Variants in RAB5A observed in about 807,000 individuals in gnomAD.
The protein encoded by RAB5A is ras-related protein Rab-5A.
A neutral mutation model predicts 25.7 loss-of-function variants in RAB5A; 8 were observed. The ratio of observed to expected loss-of-function variants is 0.31; its 90% CI spans 0.18 to 0.56. The LOEUF (loss-of-function observed/expected upper bound fraction) is 0.56, where lower values mean the gene tolerates loss of function less well. Among genes scored for constraint, RAB5A ranks in the 20% least tolerant of loss-of-function variants. RAB5A has a pLI of 0.91. For missense variants in RAB5A, 192 were observed against 259.7 expected, an observed-to-expected ratio of 0.74 and a Z score of 1.79; for synonymous variants, 98 against 89.8, an observed-to-expected ratio of 1.09 and a Z score of -0.52.
At chr3:19,975,813 T>C (rs2125191587) in intron 3 of RAB5A, 61 bp downstream of exon 3, 4 of 1,496,620 alleles carry the variant, frequency 2.7e-6, no homozygotes, top group Middle Eastern at 1.8e-4. Flanking sequence ...GTGTTCAGAA[T>C]TTTGATTAAA....
intron 2 of RAB5A, among the ~76,000 whole-genome samples, chr3:19,952,551 T>C (rs1696438916): frequency 6.6e-6 from 1 of 152,238 alleles, no homozygotes; most frequent in South Asian, 2.1e-4. Context: ...ATTCATAATC[T>C]TAGACCCATT....
intron 4 of RAB5A, 88 bp downstream of exon 4, chr3:19,976,257 A>G: frequency 7.2e-7 from 1 of 1,390,050 alleles, no homozygotes; most frequent in South Asian, 1.4e-5. Context: ...TATAATGTCA[A>G]AACCATGCAA....
rs145855540 is a variant in RAB5A at position 19,976,142 on chromosome 3, A to G, written c.411A>G (p.Leu137=). The G allele has an allele frequency of 1.9e-5, 31 of 1,610,928 alleles. No individual in the cohort carries two copies. In the African/African-American group the frequency reaches 3.7e-4, roughly 19 times the overall value. ...CTTTATCGGGAAACAAGGCCGACCTAGCAAATAAAAGAGCAGTAGATTTCC... is the reference window on the plus strand; with the variant it reads ...CTTTATCGGGAAACAAGGCCGACCTGGCAAATAAAAGAGCAGTAGATTTCC... ...VIALSGNKAD[L]ANKRAVDFQE... The change falls in exon 4 of 6, where the codon CTA becomes CTG. Residue 137 remains leucine, a synonymous_variant. Coordinates refer to ENST00000273047, the MANE Select transcript of RAB5A (RefSeq NM_004162.5).
intron 2 of RAB5A, among the ~76,000 whole-genome samples, chr3:19,960,257 A>T (rs1432325478): frequency 6.6e-6 from 1 of 152,180 alleles, no homozygotes; most frequent in African/African-American, 2.4e-5. Context: ...CTCTTTGTGA[A>T]GGAGAATAAA....
At chr3:19,957,714 G>T (rs890470319) in intron 2 of RAB5A, among the ~76,000 whole-genome samples, 2 of 134,212 alleles carry the variant, frequency 1.5e-5, no homozygotes, top group Admixed American at 1.5e-4. Context: ...CTGAGCAACA[G>T]AGTGAGACTC....
intron 5 of RAB5A, among the ~76,000 whole-genome samples, chr3:19,983,371 TAATG>T (rs1696969596): frequency 7.4e-6 from 1 of 134,734 alleles, no homozygotes. Flanking sequence ...AAAGAAGTAA[TAATG>T]AGTATAAAAT....
At chr3:19,970,604 C>G (rs1215973391) in intron 2 of RAB5A, 1 of 456,574 alleles carries the variant, frequency 2.2e-6, no homozygotes. Flanking sequence ...GAAAAGAAAA[C>G]CAACTGCTAG....
chr3:19,980,301 A>T (rs551322067), intron 5 of RAB5A: 3 of 152,220 alleles, frequency 2.0e-5, no homozygotes, highest in Non-Finnish European at 4.4e-5. Context: ...AAACATGCTA[A>T]TAAAGTCATT....
At chr3:19,970,323 C>G (rs920755353) in intron 2 of RAB5A, among the ~76,000 whole-genome samples, 2 of 152,098 alleles carry the variant, frequency 1.3e-5, no homozygotes, top group African/African-American at 4.8e-5. Flanking sequence ...TATAATAGGC[C>G]TTTGGTATTT....
At chr3:19,980,597 C>G (rs1447408963) in intron 5 of RAB5A, among the ~76,000 whole-genome samples, 4 of 152,062 alleles carry the variant, frequency 2.6e-5, no homozygotes, top group Non-Finnish European at 5.9e-5. Flanking sequence ...TCTCACTCAC[C>G]TCTGATTTAA....
intron 2 of RAB5A, among the ~76,000 whole-genome samples, chr3:19,957,129 T>A (rs1696515630): frequency 6.6e-6 from 1 of 151,822 alleles, no homozygotes; most frequent in Non-Finnish European, 1.5e-5. Context: ...GATCTCACTG[T>A]TGGTGCCTAA....
chr3:19,958,528 C>T (rs954862000), intron 2 of RAB5A, among the ~76,000 whole-genome samples: 2 of 152,142 alleles, frequency 1.3e-5, no homozygotes, highest in African/African-American at 2.4e-5. Flanking sequence ...ATTTGTAACA[C>T]GAGAGTATTG....
chr3:19,968,247 T>C (rs1317363886), intron 2 of RAB5A, among the ~76,000 whole-genome samples: 1 of 152,216 alleles, frequency 6.6e-6, no homozygotes, highest in Non-Finnish European at 1.5e-5. Flanking sequence ...TTTTTTTCAC[T>C]TACACATTGG....
At chr3:19,970,483 C>G in intron 2 of RAB5A, 1 of 451,400 alleles carries the variant, frequency 2.2e-6, no homozygotes, top group Admixed American at 2.4e-5. Flanking sequence ...GGGAGCCTAT[C>G]AGACAGGCCA....
At chr3:19,954,952 GT>G (rs1275728800) in intron 2 of RAB5A, among the ~76,000 whole-genome samples, 8 of 152,170 alleles carry the variant, frequency 5.3e-5, no homozygotes, top group African/African-American at 1.7e-4. Context: ...TGGGTTTAAA[GT>G]TTGCATGACA....
rs1184143864 is a variant in RAB5A, at chr3:19,984,427, A to T, written c.*604A>T. 1.1e-4 allele frequency: 21 copies of T among 197,690 alleles called. No homozygotes were observed. The highest frequency in any genetic ancestry group is 1.5e-4 in the Non-Finnish European group (14 of 96,416). The allele number at this position is 197,690 out of a possible 1,614,324, so 12.2% of individuals were successfully genotyped here. On this transcript the variant is annotated 3_prime_UTR_variant, in exon 6 of 6. Transcript: ENST00000273047. ...ATACCCAGTCTGGTTTTTTTTTTTT[A>T]AATGGGGTAAAAATCAAATGCAACC... is the stretch of plus-strand genomic sequence containing the variant.
At chr3:19,954,927 T>G (rs1696477850) in intron 2 of RAB5A, among the ~76,000 whole-genome samples, 1 of 152,174 alleles carries the variant, frequency 6.6e-6, no homozygotes, top group Non-Finnish European at 1.5e-5. Context: ...TTTAGAGAAT[T>G]CTAGCTTGTT....
chr3:19,956,781 G>T (rs1410212830), intron 2 of RAB5A, among the ~76,000 whole-genome samples: 1 of 152,138 alleles, frequency 6.6e-6, no homozygotes, highest in Non-Finnish European at 1.5e-5. Flanking sequence ...AGCTATTACA[G>T]TTACCATCAC....
chr3:19,975,498 G>A, intron 2 of RAB5A, 103 bp from the exon 3 acceptor site: 2 of 1,081,058 alleles, frequency 1.9e-6, no homozygotes, highest in South Asian at 3.6e-5. Context: ...ATACTTACGG[G>A]GTACAGTGTG....
Sources: allele counts gnomAD v4.1 joint callset (sites outside exome capture counted in the v4.1 genomes callset), GRCh38; gene constraint gnomAD v4.1.1; transcripts MANE v1.5; gene names NCBI Gene and HGNC (gene_info 2026-07-23, HGNC 2026-07-21).